The following TASP1 variants were observed in gnomAD, a reference collection of about 807,000 sequenced individuals.
TASP1 encodes taspase 1.
Under a neutral mutation model 56.6 loss-of-function variants are expected in TASP1, and 16 were observed. That is an observed-to-expected ratio of 0.28 (90% confidence interval 0.19 to 0.43). The LOEUF (loss-of-function observed/expected upper bound fraction) is 0.43, where lower values mean the gene tolerates loss of function less well. Among genes scored for constraint, TASP1 ranks in the 20% least tolerant of loss-of-function variants. TASP1 has a pLI of 1.00. For synonymous variants in TASP1, 179 were observed against 184.2 expected (o/e 0.97, Z 0.23); for missense variants, 393 against 511.6 (o/e 0.77, Z 2.24).
the TASP1 span, among the ~76,000 whole-genome samples, chr20:13,161,864 G>A: frequency 3.3e-5 from 5 of 152,104 alleles, no homozygotes; most frequent in African/African-American, 4.8e-5. Context: ...CATGTCCTTC[G>A]TCTTCACCAG....
At chr20:13,288,599 A>G in the TASP1 span, 1 of 1,613,878 alleles carries the variant, frequency 6.2e-7, no homozygotes, top group Admixed American at 1.7e-5. Flanking sequence ...CACCTGCGGG[A>G]ACGGCAACCA....
the TASP1 span, among the ~76,000 whole-genome samples, chr20:13,330,781 T>C: frequency 2.0e-5 from 3 of 152,216 alleles, no homozygotes; most frequent in African/African-American, 7.2e-5. Context: ...TCATCTGGAT[T>C]GTAGAATTTA....
chr20:13,471,910 T>C (rs2044514661), intron 11 of TASP1, among the ~76,000 whole-genome samples: 1 of 152,140 alleles, frequency 6.6e-6, no homozygotes, highest in African/African-American at 2.4e-5. Flanking sequence ...AGGATTTCCC[T>C]TTCCTAGCCA....
intron 4 of TASP1, chr20:13,614,772 T>C: frequency 4.3e-6 from 2 of 468,154 alleles, no homozygotes; most frequent in South Asian, 3.1e-5. Flanking sequence ...CAATAAACTT[T>C]CACATTTGAA....
chr20:13,600,479 G>A (rs1296314632), intron 4 of TASP1: 1 of 152,000 alleles, frequency 6.6e-6, no homozygotes, highest in East Asian at 1.9e-4. Context: ...ATTCAATGGA[G>A]AAAGAATAAC....
the TASP1 span, among the ~76,000 whole-genome samples, chr20:13,258,549 T>C: frequency 1.3e-5 from 2 of 152,172 alleles, no homozygotes; most frequent in Non-Finnish European, 2.9e-5. Flanking sequence ...AGGTTTATAT[T>C]GAGGAGAATA....
At chr20:13,318,273 CACA>C in the TASP1 span, among the ~76,000 whole-genome samples, 4 of 151,866 alleles carry the variant, frequency 2.6e-5, no homozygotes, top group Non-Finnish European at 5.9e-5. Context: ...TGCAAATTAA[CACA>C]ACAACAAGAT....
At chr20:13,214,078 A>G in the TASP1 span, among the ~76,000 whole-genome samples, 1 of 152,210 alleles carries the variant, frequency 6.6e-6, no homozygotes, top group East Asian at 1.9e-4. Flanking sequence ...TGTAAAGAAT[A>G]TTATAGGGAC....
At chr20:13,488,263 T>C (rs551018723) in intron 10 of TASP1, among the ~76,000 whole-genome samples, 2 of 152,132 alleles carry the variant, frequency 1.3e-5, no homozygotes, top group Admixed American at 1.3e-4. Context: ...TTTGAAGCTC[T>C]GGACCAAAGG....
the TASP1 span, among the ~76,000 whole-genome samples, chr20:13,130,133 T>C: frequency 6.6e-6 from 1 of 152,246 alleles, no homozygotes; most frequent in African/African-American, 2.4e-5. Flanking sequence ...GTGAAAGTCA[T>C]ACAGTGAATG....
At chr20:13,572,527 T>C (rs2046753157) in intron 6 of TASP1, among the ~76,000 whole-genome samples, 1 of 151,534 alleles carries the variant, frequency 6.6e-6, no homozygotes, top group African/African-American at 2.4e-5. Context: ...TTACCAAAAC[T>C]ATAAAAAAAT....
At chr20:13,571,207 T>A (rs2046700943) in intron 6 of TASP1, among the ~76,000 whole-genome samples, 1 of 152,194 alleles carries the variant, frequency 6.6e-6, no homozygotes, top group South Asian at 2.1e-4. Context: ...TTGGATGTCA[T>A]CTTATGGATA....
the TASP1 span, among the ~76,000 whole-genome samples, chr20:13,260,807 C>T: frequency 5.3e-5 from 8 of 152,284 alleles, 2 homozygotes; most frequent in African/African-American, 1.9e-4. Context: ...ACTGGGTTCA[C>T]TAGCTTAAAC....
the TASP1 span, among the ~76,000 whole-genome samples, chr20:13,243,653 TA>T: frequency 7.9e-5 from 12 of 151,344 alleles, no homozygotes; most frequent in African/African-American, 2.7e-4. Context: ...AAGCTATGAA[TA>T]AAAAAAAATT....
chr20:13,113,836 G>C, the TASP1 span, among the ~76,000 whole-genome samples: 1 of 152,200 alleles, frequency 6.6e-6, no homozygotes, highest in Non-Finnish European at 1.5e-5. Context: ...ATGTTGCAAG[G>C]CTGTTTGCTC....
chr20:13,178,711 C>T, the TASP1 span, among the ~76,000 whole-genome samples: 2,967 of 150,406 alleles, frequency 0.02, 56 homozygotes, highest in South Asian at 0.031. Context: ...AAAAGTTGAT[C>T]TTATAGAAGT....
intron 10 of TASP1, among the ~76,000 whole-genome samples, chr20:13,507,761 T>C (rs1170166092): frequency 6.6e-6 from 1 of 152,092 alleles, no homozygotes; most frequent in Non-Finnish European, 1.5e-5. Context: ...CAAAACACCC[T>C]AATTAGCTAA....
the TASP1 span, chr20:13,169,035 C>T: frequency 2.6e-5 from 4 of 151,668 alleles, no homozygotes; most frequent in East Asian, 3.9e-4. Context: ...ACATTTGAAA[C>T]GACCAATTTC....
chr20:13,468,477 G>A (rs1372324945), intron 11 of TASP1, among the ~76,000 whole-genome samples: 1 of 152,028 alleles, frequency 6.6e-6, no homozygotes, highest in East Asian at 1.9e-4. Flanking sequence ...TCAAATATCT[G>A]GTAGGTTTTA....
Sources: allele counts gnomAD v4.1 joint callset (sites outside exome capture counted in the v4.1 genomes callset), GRCh38; gene constraint gnomAD v4.1.1; transcripts MANE v1.5; gene names NCBI Gene and HGNC (gene_info 2026-07-23, HGNC 2026-07-21).